DAB1: variants seen among roughly 807,000 people sequenced by gnomAD.
The protein encoded by DAB1 is DAB adaptor protein 1.
Under a neutral mutation model 64.6 loss-of-function variants are expected in DAB1, and 15 were observed. That is an observed-to-expected ratio of 0.23 (90% CI 0.16 to 0.36). The LOEUF is 0.36. DAB1 is among the 10% of genes least tolerant of loss of function. The pLI is 1.00. For missense variants in DAB1, 596 were observed against 706.7 expected, an observed-to-expected ratio of 0.84 and a Z score of 1.78; for synonymous variants, 235 against 251.9, an observed-to-expected ratio of 0.93 and a Z score of 0.64.
At chr1:58,439,909 G>T (rs1644989364) in intron 3 of DAB1, among the ~76,000 whole-genome samples, 2 of 147,046 alleles carry the variant, frequency 1.4e-5, no homozygotes. Flanking sequence ...CTCATATTTT[G>T]TAACAGTCCT....
chr1:57,096,983 T>G (rs543144), intron 4 of DAB1, among the ~76,000 whole-genome samples: 34,201 of 152,092 alleles, frequency 0.22, 4,489 homozygotes, highest in East Asian at 0.32. Flanking sequence ...GGATTTTTCT[T>G]GTCTGTTTCT....
intron 1 of DAB1, among the ~76,000 whole-genome samples, chr1:57,370,669 G>A (rs1421108007): frequency 6.6e-6 from 1 of 150,560 alleles, no homozygotes; most frequent in Non-Finnish European, 1.5e-5. Context: ...ATAACTTATA[G>A]TTTCCTCGCA....
At chr1:58,225,489 G>A (rs1164224853) in intron 4 of DAB1, among the ~76,000 whole-genome samples, 1 of 151,750 alleles carries the variant, frequency 6.6e-6, no homozygotes, top group Non-Finnish European at 1.5e-5. Flanking sequence ...TATAAATCAT[G>A]CTGCTATAAA....
chr1:57,641,409 A>T (rs1272332308), intron 7 of DAB1, among the ~76,000 whole-genome samples: 6 of 94,542 alleles, frequency 6.3e-5, no homozygotes, highest in Middle Eastern at 0.011. Context: ...TTTGAGACGG[A>T]GTCTCGCTCT....
chr1:57,445,085 T>C (rs948941406), intron 7 of DAB1, among the ~76,000 whole-genome samples: 8 of 152,296 alleles, frequency 5.3e-5, no homozygotes, highest in African/African-American at 1.9e-4. Flanking sequence ...ATGGGACTTA[T>C]TTTACAAAAA....
intron 2 of DAB1, among the ~76,000 whole-genome samples, chr1:57,158,357 G>C (rs1335994327): frequency 2.6e-5 from 4 of 152,132 alleles, no homozygotes; most frequent in Non-Finnish European, 5.9e-5. Context: ...TTAAGAACAG[G>C]ATGTTCCTTC....
intron 3 of DAB1, among the ~76,000 whole-genome samples, chr1:57,138,742 C>T (rs1658339024): frequency 6.6e-6 from 1 of 152,204 alleles, no homozygotes; most frequent in Admixed American, 6.5e-5. Context: ...ATGCCACCCT[C>T]TCTGACCCTC....
intron 1 of DAB1, among the ~76,000 whole-genome samples, chr1:57,838,589 G>A (rs1652914439): frequency 6.6e-6 from 1 of 152,000 alleles, no homozygotes; most frequent in Non-Finnish European, 1.5e-5. Context: ...ATGATTTGGT[G>A]AAAAGAGCAT....
intron 3 of DAB1, among the ~76,000 whole-genome samples, chr1:58,424,257 T>C (rs1057051310): frequency 8.5e-5 from 13 of 152,222 alleles, no homozygotes; most frequent in African/African-American, 2.4e-4. Context: ...TTTATTCTAT[T>C]TGGGCCTTCA....
chr1:57,969,855 A>G (rs960608653), intron 5 of DAB1, among the ~76,000 whole-genome samples: 2 of 152,160 alleles, frequency 1.3e-5, no homozygotes, highest in African/African-American at 4.8e-5. Flanking sequence ...TGCTTTAGAT[A>G]TTGCTACAGG....
At chr1:57,347,559 C>T (rs1359234436) in intron 1 of DAB1, among the ~76,000 whole-genome samples, 3 of 152,080 alleles carry the variant, frequency 2.0e-5, no homozygotes, top group African/African-American at 7.2e-5. Flanking sequence ...GGTTCAGAGC[C>T]CCCAGCATCA....
At chr1:57,066,381 G>A (rs1052248174) in intron 8 of DAB1, among the ~76,000 whole-genome samples, 3 of 152,160 alleles carry the variant, frequency 2.0e-5, no homozygotes, top group African/African-American at 7.2e-5. Context: ...AAAATTAAGT[G>A]ATGTGTAAAA....
intron 4 of DAB1, among the ~76,000 whole-genome samples, chr1:58,307,826 G>C (rs1419617989): frequency 1.3e-5 from 2 of 151,980 alleles, no homozygotes; most frequent in Non-Finnish European, 2.9e-5. Context: ...CCAGGAAAGG[G>C]GGCCAGGAAA....
chr1:58,294,547 G>A (rs1198821045), intron 4 of DAB1, among the ~76,000 whole-genome samples: 1 of 152,154 alleles, frequency 6.6e-6, no homozygotes, highest in East Asian at 1.9e-4. Context: ...AGGAGACACG[G>A]CTCTGTCTTT....
chr1:57,116,786 C>T (rs1351272389), intron 4 of DAB1, among the ~76,000 whole-genome samples: 2 of 152,152 alleles, frequency 1.3e-5, no homozygotes, highest in African/African-American at 4.8e-5. Flanking sequence ...TACCTGCCAT[C>T]CTTGAAATAT....
intron 3 of DAB1, among the ~76,000 whole-genome samples, chr1:58,372,667 C>A (rs1036800490): frequency 3.8e-4 from 58 of 152,216 alleles, no homozygotes; most frequent in African/African-American, 1.4e-3. Flanking sequence ...AATTGTAATC[C>A]CCACATGCCG....
chr1:58,053,981 T>C (rs1405578144), intron 5 of DAB1, among the ~76,000 whole-genome samples: 1 of 152,244 alleles, frequency 6.6e-6, no homozygotes, highest in East Asian at 1.9e-4. Context: ...TTGTATGCTA[T>C]ACTGAAGGGA....
At chr1:58,465,745 T>C (rs570161177) in intron 3 of DAB1, among the ~76,000 whole-genome samples, 8 of 152,294 alleles carry the variant, frequency 5.3e-5, no homozygotes, top group African/African-American at 1.9e-4. Context: ...GCACTTACCA[T>C]GTGTTTTAAT....
At chr1:57,128,497 C>T (rs898510350) in intron 4 of DAB1, among the ~76,000 whole-genome samples, 1 of 152,128 alleles carries the variant, frequency 6.6e-6, no homozygotes, top group East Asian at 1.9e-4. Context: ...TGTGCAGTGA[C>T]TTTGATGCCA....
Sources: gnomAD v4.1 joint callset for allele counts (sites outside exome capture counted in the v4.1 genomes callset) on GRCh38, gnomAD v4.1.1 for gene constraint, MANE v1.5 for transcripts, NCBI Gene and HGNC (gene_info 2026-07-23, HGNC 2026-07-21) for gene names.